Variants in ADARB2 observed in about 807,000 individuals in gnomAD.
The protein encoded by ADARB2 is adenosine deaminase RNA specific B2 (inactive).
Under a neutral mutation model 62.2 loss-of-function variants are expected in ADARB2, and 25 were observed. The observed-to-expected ratio is 0.40, with a 90% CI of 0.29 to 0.56. The LOEUF (loss-of-function observed/expected upper bound fraction) is 0.56. ADARB2 is among the 20% of genes least tolerant of loss of function. ADARB2 has a pLI of 0.43. For missense variants in ADARB2, 1,071 were observed against 1,077.4 expected, an observed-to-expected ratio of 0.99 and a Z score of 0.08; for synonymous variants, 572 against 500.8, an observed-to-expected ratio of 1.14 and a Z score of -1.90.
chr10:1,288,816 G>C (rs753281051), intron 3 of ADARB2, among the ~76,000 whole-genome samples: 8 of 152,244 alleles, frequency 5.3e-5, no homozygotes, highest in Non-Finnish European at 1.2e-4. Context: ...GTTTCTGACA[G>C]AGGATGCCGA....
At chr10:1,365,298 A>C (rs1400362895) in intron 2 of ADARB2, among the ~76,000 whole-genome samples, 1 of 151,986 alleles carries the variant, frequency 6.6e-6, no homozygotes, top group Admixed American at 6.6e-5. Flanking sequence ...GCACCCACTT[A>C]AGACGGCAAA....
At chr10:1,215,160 C>T (rs1254855311) in intron 7 of ADARB2, among the ~76,000 whole-genome samples, 6 of 152,196 alleles carry the variant, frequency 3.9e-5, no homozygotes, top group South Asian at 2.1e-4. Flanking sequence ...GTTTTGTGGA[C>T]GGGCCAGGGC....
intron 7 of ADARB2, among the ~76,000 whole-genome samples, chr10:1,202,776 C>G (rs1837004051): frequency 6.6e-6 from 1 of 152,194 alleles, no homozygotes; most frequent in African/African-American, 2.4e-5. Flanking sequence ...TAACAAAGCA[C>G]CTTCGTGAAA....
At chr10:1,721,828 CA>C (rs1218713470) in intron 1 of ADARB2, among the ~76,000 whole-genome samples, 2 of 152,112 alleles carry the variant, frequency 1.3e-5, no homozygotes, top group Admixed American at 1.3e-4. Context: ...CTGGGGTCCA[CA>C]GGACTGACTG....
rs184569315 is a variant in ADARB2, at chr10:1,280,576, A to G, written c.1078-9507T>C. On this transcript the variant is annotated intron_variant, in intron 3 of 9. Transcript: ENST00000381312. ...CTAAGTGATGCTCCGTGAAATTCCTAAGTGACGCTCCGTGAAATTCCTGAG... is the reference window on the plus strand; with the variant it reads ...CTAAGTGATGCTCCGTGAAATTCCTGAGTGACGCTCCGTGAAATTCCTGAG... 2.5e-3 allele frequency among the ~76,000 whole-genome samples: 378 copies of G among 150,002 alleles called. 1 individual carries two copies. The highest frequency in any genetic ancestry group is 0.01 in the Middle Eastern group (3 of 294).
chr10:1,587,215 AAAC>A (rs952288290), intron 1 of ADARB2, among the ~76,000 whole-genome samples: 17 of 152,246 alleles, frequency 1.1e-4, no homozygotes, highest in African/African-American at 3.9e-4. Flanking sequence ...CTCAAAAACA[AAAC>A]AACAAAACAA....
chr10:1,644,513 C>T (rs1378850417), intron 1 of ADARB2, among the ~76,000 whole-genome samples: 3 of 152,220 alleles, frequency 2.0e-5, no homozygotes, highest in Non-Finnish European at 4.4e-5. Context: ...TTTAAAAAAG[C>T]AAAACGTGCA....
intron 3 of ADARB2, among the ~76,000 whole-genome samples, chr10:1,285,513 G>C (rs959765349): frequency 6.6e-6 from 1 of 152,234 alleles, no homozygotes; most frequent in Non-Finnish European, 1.5e-5. Flanking sequence ...TCAGAGGAGA[G>C]GGTGTGTGGT....
chr10:1,682,714 C>T (rs1051139082), intron 1 of ADARB2, among the ~76,000 whole-genome samples: 1 of 152,238 alleles, frequency 6.6e-6, no homozygotes, highest in Non-Finnish European at 1.5e-5. Context: ...TCCCCCAACA[C>T]CGTGGCCAGG....
intron 1 of ADARB2, among the ~76,000 whole-genome samples, chr10:1,472,255 C>T (rs1467547041): frequency 1.3e-5 from 2 of 152,236 alleles, no homozygotes; most frequent in Non-Finnish European, 2.9e-5. Flanking sequence ...GAATACTTTT[C>T]TCCAGCTGAC....
At chr10:1,695,338 G>T (rs965976371) in intron 1 of ADARB2, among the ~76,000 whole-genome samples, 1 of 152,142 alleles carries the variant, frequency 6.6e-6, no homozygotes, top group Non-Finnish European at 1.5e-5. Flanking sequence ...AGTGACCCCC[G>T]AGCCTCAGCT....
intron 1 of ADARB2, among the ~76,000 whole-genome samples, chr10:1,685,287 GC>G (rs1474962738): frequency 1.3e-5 from 2 of 152,116 alleles, no homozygotes; most frequent in Non-Finnish European, 2.9e-5. Context: ...AGACACAGCG[GC>G]CACCTGAATG....
At chr10:1,720,306 T>C (rs1405443886) in intron 1 of ADARB2, among the ~76,000 whole-genome samples, 1 of 152,162 alleles carries the variant, frequency 6.6e-6, no homozygotes, top group Non-Finnish European at 1.5e-5. Flanking sequence ...TTCTCACTTA[T>C]AAGTGGGAGG....
chr10:1,221,322 C>A (rs1830693104), intron 6 of ADARB2, among the ~76,000 whole-genome samples: 1 of 152,030 alleles, frequency 6.6e-6, no homozygotes, highest in Non-Finnish European at 1.5e-5. Flanking sequence ...GCTTATTAAC[C>A]TATATAAAAC....
At chr10:1,230,364 C>G (rs1589158865) in intron 6 of ADARB2, among the ~76,000 whole-genome samples, 2 of 152,132 alleles carry the variant, frequency 1.3e-5, no homozygotes, top group South Asian at 4.1e-4. Context: ...GTGTCCAGCT[C>G]CCGCCGCCAG....
chr10:1,510,125 T>TTTCTTTCTTTC (rs1174801636), intron 1 of ADARB2, among the ~76,000 whole-genome samples: 20 of 130,040 alleles, frequency 1.5e-4, no homozygotes, highest in African/African-American at 6.0e-4. Context: ...TCTTTCTTTC[T>TTTCTTTCTTTC]TTCTTTCTTT....
At chr10:1,230,226 TC>T (rs942653381) in intron 6 of ADARB2, among the ~76,000 whole-genome samples, 1 of 152,062 alleles carries the variant, frequency 6.6e-6, no homozygotes, top group African/African-American at 2.4e-5. Flanking sequence ...CTTCCTTTGT[TC>T]CCTGGGCTTC....
intron 1 of ADARB2, among the ~76,000 whole-genome samples, chr10:1,410,796 A>C (rs1832753121): frequency 6.6e-6 from 1 of 152,180 alleles, no homozygotes; most frequent in South Asian, 2.1e-4. Context: ...TACCTGCGTA[A>C]ACAAGCGAAC....
intron 1 of ADARB2, among the ~76,000 whole-genome samples, chr10:1,543,843 C>T (rs961182026): frequency 5.9e-5 from 9 of 152,110 alleles, no homozygotes; most frequent in Admixed American, 5.9e-4. Context: ...ACAGCCCGCC[C>T]GTGACGTGAG....
Sources: allele counts gnomAD v4.1 joint callset (sites outside exome capture counted in the v4.1 genomes callset), GRCh38; gene constraint gnomAD v4.1.1; transcripts MANE v1.5; gene names NCBI Gene and HGNC (gene_info 2026-07-23, HGNC 2026-07-21).